The following DST variants were observed in gnomAD, a reference collection of about 807,000 sequenced individuals.
DST encodes dystonin.
Under a neutral mutation model 875.2 loss-of-function variants are expected in DST, and 253 were observed. The ratio of observed to expected loss-of-function variants is 0.29; its 90% confidence interval spans 0.26 to 0.32. DST has a LOEUF of 0.32. DST is among the 10% of genes least tolerant of loss of function. DST has a pLI of 1.00. For missense variants in DST, 8,287 were observed against 9,111.6 expected (o/e 0.91, Z 3.68); for synonymous variants, 3,124 against 3,197.1 (o/e 0.98, Z 0.77).
chr6:56,662,817 G>A (rs965046303), intron 10 of DST, among the ~76,000 whole-genome samples: 3 of 151,664 alleles, frequency 2.0e-5, no homozygotes, highest in Non-Finnish European at 4.4e-5. Context: ...GGGCGGGGGG[G>A]TCATGCCTGT....
Position 56,593,699 on chromosome 6 carries a change from A to C in DST, c.12690T>G (p.Asp4230Glu), listed in dbSNP as rs914995831. Residue 4230 changes from aspartate (D) to glutamate (E), a missense_variant, in exon 48 of 104, where the codon GAT becomes GAG. This residue lies in a region of DST where 1,513 missense variants were observed against 1,677.8 expected (regional missense o/e 0.90). Coordinates refer to ENST00000680361, the MANE Select transcript of DST (RefSeq NM_001374736.1). The part of the protein sequence containing the change: ...ATHREVQRKL[D>E]HATDRFRSLY... Reference sequence around the variant, plus strand: ...GAGACCTGAACCGATCAGTAGCATGATCCAACTTGCGCTGCACTTCTCTGT... The same window carrying C: ...GAGACCTGAACCGATCAGTAGCATGCTCCAACTTGCGCTGCACTTCTCTGT... 15 of 1,610,238 alleles carry C rather than the reference A, an allele frequency of 9.3e-6. No individual in the cohort carries two copies. Among genetic ancestry groups the C allele is most frequent in the Non-Finnish European group, 1.1e-5 (13 of 1,177,532 alleles).
intron 2 of DST, among the ~76,000 whole-genome samples, chr6:56,932,312 C>T (rs1441778355): frequency 2.0e-5 from 3 of 152,100 alleles, no homozygotes; most frequent in South Asian, 2.1e-4. Flanking sequence ...CTGAGGCCTC[C>T]CCAGCCATGT....
intron 49 of DST, among the ~76,000 whole-genome samples, chr6:56,590,663 C>T (rs749208554): frequency 6.6e-6 from 1 of 152,024 alleles, no homozygotes; most frequent in African/African-American, 2.4e-5. Flanking sequence ...AAGGAAGCAA[C>T]CCTGAGGAGG....
intron 4 of DST, among the ~76,000 whole-genome samples, chr6:56,741,075 A>G (rs1013631168): frequency 1.3e-5 from 2 of 152,212 alleles, no homozygotes; most frequent in Non-Finnish European, 2.9e-5. Context: ...CTGGTCCTAT[A>G]GTTCAAGGAA....
chr6:56,751,784 T>A (rs932544982), intron 4 of DST, among the ~76,000 whole-genome samples: 1 of 152,138 alleles, frequency 6.6e-6, no homozygotes, highest in African/African-American at 2.4e-5. Flanking sequence ...TCAAGACTCC[T>A]AAAGCCACAG....
chr6:56,586,037 G>C (rs1357648507), intron 49 of DST, among the ~76,000 whole-genome samples: 1 of 142,848 alleles, frequency 7.0e-6, no homozygotes, highest in Non-Finnish European at 1.5e-5. Context: ...TTTTGGAATA[G>C]GTGTGGTGTG....
chr6:56,720,833 T>C (rs2099411996), intron 5 of DST, among the ~76,000 whole-genome samples: 1 of 152,016 alleles, frequency 6.6e-6, no homozygotes, highest in Non-Finnish European at 1.5e-5. Flanking sequence ...AAAACCGCCA[T>C]CGTCATCATG....
chr6:56,546,347 CATATATATATATATATATATAT>C lies in DST; in HGVS notation c.16608+5815_16608+5836del, dbSNP rs10617867. On this transcript the variant is annotated intron_variant, in intron 61 of 103. Transcript: ENST00000680361. ...TATTAATTGAAATATATACATATTT[CATATATATATATATATATATAT>C]ATATATATATATATATATATAAATG... Among the ~76,000 whole-genome samples the C allele has an allele frequency of 1.0e-3, 76 of 72,642 alleles. No homozygotes were observed. The East Asian group carries it at 0.02, about 19-fold the overall frequency. 47.7% of individuals were successfully genotyped at this position (72,642 alleles called of 152,430 possible).
At chr6:56,815,009 G>A (rs770208653) in intron 4 of DST, among the ~76,000 whole-genome samples, 25 of 152,190 alleles carry the variant, frequency 1.6e-4, no homozygotes, top group Non-Finnish European at 3.4e-4. Context: ...CACAGCCGAG[G>A]TTAGAATCAC....
intron 4 of DST, among the ~76,000 whole-genome samples, chr6:56,736,583 TG>T (rs2099525236): frequency 6.6e-6 from 1 of 152,162 alleles, no homozygotes; most frequent in Non-Finnish European, 1.5e-5. Flanking sequence ...ATCCTTTCCC[TG>T]GGGGTAAGAT....
chr6:56,656,450 C>A (rs894151227), intron 10 of DST, among the ~76,000 whole-genome samples: 9 of 152,190 alleles, frequency 5.9e-5, no homozygotes, highest in Admixed American at 4.6e-4. Context: ...AAAACAACAA[C>A]AGGGACTAAT....
rs35704043 is a variant in DST, at chr6:56,620,363, G to A, written c.4929+4167C>T. 3.8e-5 allele frequency: 61 copies of A among 1,614,022 alleles called. No homozygotes were observed. In the African/African-American group the frequency reaches 6.8e-4, roughly 18 times the overall value. ...TTCCACGGCAGCTCTTTTAGCCTCGGCCTCTATGGTGAGCTGCCTCACCCG... is the reference window on the plus strand; with the variant it reads ...TTCCACGGCAGCTCTTTTAGCCTCGACCTCTATGGTGAGCTGCCTCACCCG... On this transcript the variant is annotated intron_variant, in intron 36 of 103. Transcript: ENST00000680361.
At chr6:56,880,234 T>A (rs1007475772) in intron 3 of DST, among the ~76,000 whole-genome samples, 5 of 152,218 alleles carry the variant, frequency 3.3e-5, no homozygotes, top group African/African-American at 9.6e-5. Context: ...TAAAAATATA[T>A]TGAAATCTTA....
At chr6:56,674,935 A>G (rs1431993514) in intron 9 of DST, among the ~76,000 whole-genome samples, 3 of 152,190 alleles carry the variant, frequency 2.0e-5, no homozygotes, top group Admixed American at 2.0e-4. Flanking sequence ...TGGAACCACA[A>G]AAGACCCCAA....
chr6:56,751,563 A>T (rs1182473608), intron 4 of DST, among the ~76,000 whole-genome samples: 1 of 152,172 alleles, frequency 6.6e-6, no homozygotes, highest in Non-Finnish European at 1.5e-5. Flanking sequence ...CAGCTTGAAC[A>T]TACAGGGTTA....
chr6:56,912,455 G>C (rs759965334), intron 2 of DST, among the ~76,000 whole-genome samples: 1 of 152,114 alleles, frequency 6.6e-6, no homozygotes, highest in Non-Finnish European at 1.5e-5. Flanking sequence ...TAAAACATTT[G>C]TGTTCTCACA....
intron 2 of DST, among the ~76,000 whole-genome samples, chr6:56,934,276 C>T (rs886318559): frequency 2.6e-5 from 4 of 151,856 alleles, no homozygotes; most frequent in African/African-American, 9.7e-5. Flanking sequence ...CTCCTCAGCC[C>T]CTACCAAAGG....
At chr6:56,596,591 C>A (rs2098390365) in intron 47 of DST, among the ~76,000 whole-genome samples, 2 of 152,134 alleles carry the variant, frequency 1.3e-5, no homozygotes, top group South Asian at 4.1e-4. Flanking sequence ...CCTATAATAG[C>A]CCGTTAAAAT....
chr6:56,842,796 G>A (rs1048771924), intron 4 of DST, among the ~76,000 whole-genome samples: 2 of 152,066 alleles, frequency 1.3e-5, no homozygotes, highest in Admixed American at 6.5e-5. Flanking sequence ...GAGAGAAAAC[G>A]CAATGTGCTT....
Sources: allele counts gnomAD v4.1 joint callset (sites outside exome capture counted in the v4.1 genomes callset), GRCh38; gene constraint gnomAD v4.1.1; regional missense constraint gnomAD v4.1.1; transcripts MANE v1.5; gene names NCBI Gene and HGNC (gene_info 2026-07-23, HGNC 2026-07-21).